The following OPRM1 variants were observed in gnomAD, a reference collection of about 807,000 sequenced individuals.
OPRM1 encodes opioid receptor mu 1.
A neutral mutation model predicts 31.8 loss-of-function variants in OPRM1; 27 were observed. The observed-to-expected ratio is 0.85, with a 90% CI of 0.63 to 1.17. OPRM1 has a LOEUF of 1.17. Among genes scored for constraint, OPRM1 ranks in the 50% most tolerant of loss-of-function variants. The pLI is 0.00. For synonymous variants in OPRM1, 196 were observed against 189.9 expected (o/e 1.03, Z -0.26); for missense variants, 536 against 511.1 (o/e 1.05, Z -0.47).
intron 3 of OPRM1, among the ~76,000 whole-genome samples, chr6:154,238,970 T>C (rs1449317766): frequency 6.6e-6 from 1 of 152,068 alleles, no homozygotes; most frequent in Non-Finnish European, 1.5e-5. Flanking sequence ...ACAAAAGTAC[T>C]ATGCACTGTC....
intron 3 of OPRM1, among the ~76,000 whole-genome samples, chr6:154,240,117 T>C (rs114759743): frequency 0.011 from 1,675 of 152,356 alleles, 32 homozygotes; most frequent in African/African-American, 0.037. Flanking sequence ...ATTCTCATTT[T>C]GGTAGAAGTC....
At chr6:154,166,458 C>T (rs181080062) in intron 3 of OPRM1, among the ~76,000 whole-genome samples, 2 of 152,198 alleles carry the variant, frequency 1.3e-5, no homozygotes, top group Non-Finnish European at 2.9e-5. Context: ...GCTTATTATC[C>T]GTTGACAGAC....
chr6:154,227,877 A>T (rs1217167870), intron 3 of OPRM1, among the ~76,000 whole-genome samples: 1 of 152,150 alleles, frequency 6.6e-6, no homozygotes, highest in Non-Finnish European at 1.5e-5. Flanking sequence ...TTTCCCCAGG[A>T]AATTATCACT....
chr6:154,030,716 C>T (rs891444205), intron 1 of OPRM1, among the ~76,000 whole-genome samples: 4 of 152,028 alleles, frequency 2.6e-5, no homozygotes, highest in African/African-American at 9.7e-5. Context: ...ATGGTGAAAC[C>T]CCATCTCTAC....
At position 154,018,511 on chromosome 6, in the gene OPRM1, T is replaced by C. The variant is rs544857200; in HGVS notation, c.-1+7493T>C. 7.2e-5 allele frequency among the ~76,000 whole-genome samples: 11 copies of C among 151,888 alleles called. No homozygotes were observed. The South Asian group carries it at 2.1e-3, about 29-fold the overall frequency. ...CTATTGTGCCCCGTTAATTCTTTTT[T>C]TTTTTTTTGTCTTTTCTGGCCCTGC... On this transcript the variant is annotated intron_variant, in intron 1 of 5. Coordinates refer to the OPRM1 transcript ENST00000434900.
rs985321063 is a variant in OPRM1, at chr6:154,118,534, G to T, written c.1165-149G>T. The T allele has an allele frequency of 1.5e-5, 10 of 685,328 alleles. No individual in the cohort carries two copies. The African/African-American group carries it at 1.8e-4, about 12-fold the overall frequency. 42.5% of individuals were successfully genotyped at this position (685,328 alleles called of 1,614,324 possible). A position where few individuals can be genotyped will look rare whatever the true frequency, so the allele number is the denominator to read the frequency against. On this transcript the variant is annotated intron_variant, in intron 3 of 3. Coordinates refer to ENST00000330432, the MANE Select transcript of OPRM1 (RefSeq NM_000914.5). ...ATAATGTCTGAAGAGATTGATTAAT[G>T]TCTTGACATTTAAGAAAAACTGAGG... is the stretch of plus-strand genomic sequence containing the variant.
intron 3 of OPRM1, among the ~76,000 whole-genome samples, chr6:154,146,927 C>G (rs1798373636): frequency 6.6e-6 from 1 of 152,176 alleles, no homozygotes; most frequent in East Asian, 1.9e-4. Context: ...AGCTAATTAA[C>G]AAAACAGTCT....
intron 3 of OPRM1, chr6:154,110,447 T>G: frequency 4.3e-6 from 6 of 1,390,852 alleles, no homozygotes; most frequent in Non-Finnish European, 6.0e-6. Context: ...AATATAAGAT[T>G]GGAAGCCAGA....
At chr6:154,051,933 C>G (rs1434312177) in intron 1 of OPRM1, among the ~76,000 whole-genome samples, 1 of 152,102 alleles carries the variant, frequency 6.6e-6, no homozygotes, top group Non-Finnish European at 1.5e-5. Flanking sequence ...AACCCAAATG[C>G]CCATCAATGA....
In OPRM1 at chr6:154,089,890, G is replaced by C. The variant is rs758966271; in HGVS notation, c.355G>C (p.Ala119Pro). 3 of 1,614,066 alleles carry C rather than the reference G, an allele frequency of 1.9e-6. No individual in the cohort carries two copies. In the East Asian group the frequency reaches 6.7e-5, roughly 36 times the overall value. The change falls in exon 2 of 4, where the codon GCC becomes CCC. Residue 119 changes from alanine to proline, a missense_variant. Transcript: ENST00000330432. ...IFNLALADALATSTLPFQSVN... is the reference protein window; with the variant it reads ...IFNLALADALPTSTLPFQSVN... ...CAACCTTGCTCTGGCAGATGCCTTA[G>C]CCACCAGTACCCTGCCCTTCCAGAG...
intron 3 of OPRM1, among the ~76,000 whole-genome samples, chr6:154,145,825 C>G (rs1210624843): frequency 2.6e-5 from 4 of 152,144 alleles, no homozygotes; most frequent in African/African-American, 9.7e-5. Context: ...AGAAATAGGC[C>G]CACATAAATA....
In OPRM1 at chr6:154,123,493, C is replaced by T. The variant is rs1395173933; in HGVS notation, c.*4772C>T. 3.3e-5 allele frequency among the ~76,000 whole-genome samples: 5 copies of T among 152,194 alleles called. No homozygotes were observed. Among genetic ancestry groups the T allele is most frequent in the South Asian group, 4.1e-4 (2 of 4,830 alleles). ...GGACTAGTCTTAGCTGTTTACCTAA[C>T]TGATTGGTCCTTTTCTTCTCCCTGA... On this transcript the variant is annotated 3_prime_UTR_variant, in exon 4 of 4. Transcript: ENST00000330432.
At chr6:154,203,042 G>A (rs1012786213) in intron 3 of OPRM1, among the ~76,000 whole-genome samples, 1 of 152,250 alleles carries the variant, frequency 6.6e-6, no homozygotes, top group African/African-American at 2.4e-5. Context: ...ACGCTTTATA[G>A]ACCGTGTAGT....
At chr6:154,087,392 A>T in intron 1 of OPRM1, 1 of 985,488 alleles carries the variant, frequency 1.0e-6, no homozygotes. Context: ...ACCTCGTGTG[A>T]CGGAAAAACA....
intron 1 of OPRM1, among the ~76,000 whole-genome samples, chr6:154,066,567 TA>T (rs1409488628): frequency 6.6e-6 from 1 of 152,042 alleles, no homozygotes; most frequent in Non-Finnish European, 1.5e-5. Flanking sequence ...GATGTGACTG[TA>T]ATTGGAGGTA....
At chr6:154,191,631 G>A (rs1028969856) in intron 3 of OPRM1, among the ~76,000 whole-genome samples, 3 of 151,884 alleles carry the variant, frequency 2.0e-5, no homozygotes, top group Non-Finnish European at 2.9e-5. Flanking sequence ...CCGAGATCAC[G>A]CCACTGCACT....
intron 3 of OPRM1, among the ~76,000 whole-genome samples, chr6:154,239,785 C>A (rs1228532673): frequency 2.0e-5 from 3 of 152,202 alleles, no homozygotes; most frequent in South Asian, 2.1e-4. Flanking sequence ...CTAACTGCAA[C>A]CTCCGCCTCC....
downstream of OPRM1, among the ~76,000 whole-genome samples, chr6:154,132,433 G>A (rs113079478): frequency 8.5e-5 from 13 of 152,224 alleles, no homozygotes; most frequent in South Asian, 4.1e-4. Context: ...TAAATGTTGC[G>A]ACGTAGGTAA....
intron 3 of OPRM1, among the ~76,000 whole-genome samples, chr6:154,212,367 T>C (rs192103968): frequency 1.3e-5 from 2 of 152,360 alleles, no homozygotes; most frequent in African/African-American, 4.8e-5. Context: ...CCTTTTTTCT[T>C]TCTGCTCTTT....
Sources: allele counts gnomAD v4.1 joint callset (sites outside exome capture counted in the v4.1 genomes callset), GRCh38; gene constraint gnomAD v4.1.1; transcripts MANE v1.5; gene names NCBI Gene and HGNC (gene_info 2026-07-23, HGNC 2026-07-21).